The following CLEC18A variants were observed in gnomAD, a reference collection of about 807,000 sequenced individuals.
The protein encoded by CLEC18A is C-type lectin domain family 18 member A.
Under a neutral mutation model 24.0 loss-of-function variants are expected in CLEC18A, and 5 were observed. The ratio of observed to expected loss-of-function variants is 0.21; its 90% CI spans 0.11 to 0.44. CLEC18A has a LOEUF of 0.44. CLEC18A is among the 20% of genes least tolerant of loss of function. The pLI is 0.99. For synonymous variants in CLEC18A, 29 were observed against 100.1 expected (o/e 0.29, Z 4.24); for missense variants, 83 against 233.4 (o/e 0.36, Z 4.20).
At chr16:69,945,516 A>AT in the CLEC18A span, among the ~76,000 whole-genome samples, 11 of 152,188 alleles carry the variant, frequency 7.2e-5, no homozygotes, top group Non-Finnish European at 1.5e-4. Flanking sequence ...CAGTTTTCAA[A>AT]TTTTTTTTGA....
downstream of CLEC18A, among the ~76,000 whole-genome samples, chr16:69,964,724 C>T (rs1169194088): frequency 8.6e-5 from 13 of 151,178 alleles, no homozygotes; most frequent in East Asian, 2.0e-4. Flanking sequence ...AGGATGGTAT[C>T]GATCTCCCGA....
chr16:69,962,808 GT>G, intron 10 of CLEC18A, 167 bp from the exon 11 acceptor site: 1 of 1,107,338 alleles, frequency 9.0e-7, no homozygotes, highest in Non-Finnish European at 1.3e-6. Flanking sequence ...TCCCTGAGAA[GT>G]GGAGCAGGGC....
At chr16:69,945,287 T>TACAAC in the CLEC18A span, among the ~76,000 whole-genome samples, 1 of 132,496 alleles carries the variant, frequency 7.5e-6, no homozygotes, top group African/African-American at 3.0e-5. Context: ...GACCCTCAAA[T>TACAAC]AAAATAAATT....
chr16:69,946,643 A>G (rs1597203126), upstream of CLEC18A, among the ~76,000 whole-genome samples: 1 of 148,542 alleles, frequency 6.7e-6, no homozygotes, highest in East Asian at 2.0e-4. Context: ...ACCTCAAGCA[A>G]TCCATCTGCC....
chr16:69,953,974 G>A (rs2058996648), intron 2 of CLEC18A, among the ~76,000 whole-genome samples: 2 of 148,144 alleles, frequency 1.4e-5, no homozygotes, highest in South Asian at 4.4e-4. Flanking sequence ...TGGGAGCAGT[G>A]GAGCCTTTCT....
In CLEC18A at chr16:69,963,594, T is replaced by G; in HGVS notation, c.1324T>G (p.Trp442Gly). Residue 442 changes from tryptophan to glycine, a missense_variant, in exon 12 of 12, where the codon TGG (tryptophan) becomes GGG (glycine). Trp to Gly is a radical substitution (Grantham distance 184). Around this residue, in one of 3 missense-constraint regions of CLEC18A, gnomAD observed 11 missense variants for 57.6 expected, o/e 0.19. Coordinates refer to ENST00000288040, the MANE Select transcript of CLEC18A (RefSeq NM_001370523.4). ...TCCAGCCCAGGAGCACATCTCCCGG[T>G]GGGGCCCAGGGTCCTGAGGCCTGAC... Reference protein sequence around the residue: ...CQFAQEHISRWGPGS With the variant: ...CQFAQEHISRGGPGS The G allele has an allele frequency of 6.2e-7, 1 of 1,608,246 alleles. No homozygotes were observed. The highest frequency in any genetic ancestry group is 8.5e-7 in the Non-Finnish European group (1 of 1,178,366).
chr16:69,945,347 C>CTAT, the CLEC18A span, among the ~76,000 whole-genome samples: 355 of 152,054 alleles, frequency 2.3e-3, 2 homozygotes, highest in African/African-American at 8.3e-3. Context: ...TTCCCTTGAT[C>CTAT]TATATGTCTT....
downstream of CLEC18A, among the ~76,000 whole-genome samples, chr16:69,965,420 C>G (rs539100162): frequency 2.6e-5 from 4 of 152,148 alleles, no homozygotes; most frequent in African/African-American, 9.6e-5. Flanking sequence ...GGGCCACGGC[C>G]GCAGCGCCCG....
intron 2 of CLEC18A, chr16:69,952,717 A>T: frequency 6.6e-6 from 1 of 150,968 alleles, no homozygotes; most frequent in Non-Finnish European, 1.5e-5. Flanking sequence ...CTGGAGGCTC[A>T]GAAACGCTGC....
upstream of CLEC18A, among the ~76,000 whole-genome samples, chr16:69,946,392 ATTTT>A (rs56112480): frequency 2.5e-4 from 21 of 84,022 alleles, no homozygotes; most frequent in Admixed American, 1.0e-3. Flanking sequence ...ATGTGTATGG[ATTTT>A]TTTTTTTTTT....
At chr16:69,966,258 C>T (rs960274498), downstream of CLEC18A, among the ~76,000 whole-genome samples, 1 of 150,476 alleles carries the variant, frequency 6.6e-6, no homozygotes, top group African/African-American at 2.5e-5. Flanking sequence ...CTTTGAAAGC[C>T]CCCACTTGTG....
intron 3 of CLEC18A, among the ~76,000 whole-genome samples, chr16:69,954,873 T>C (rs1163420537): frequency 1.3e-5 from 2 of 152,094 alleles, no homozygotes; most frequent in Non-Finnish European, 2.9e-5. Flanking sequence ...AATGGCTTTA[T>C]ACTTTTAGTA....
At chr16:69,944,784 T>C in the CLEC18A span, among the ~76,000 whole-genome samples, 69,782 of 111,920 alleles carry the variant, frequency 0.62, 28,432 homozygotes, top group East Asian at 0.91. Context: ...TGCAGTGAGC[T>C]GAGATGGCGC....
intron 3 of CLEC18A, among the ~76,000 whole-genome samples, chr16:69,954,978 G>A (rs528060277): frequency 2.2e-3 from 331 of 151,714 alleles, no homozygotes; most frequent in African/African-American, 7.7e-3. Context: ...GGGATTACAG[G>A]CATGAGCCAC....
chr16:69,954,520 A>G lies in CLEC18A; in HGVS notation c.403A>G (p.Ser135Gly). The change falls in exon 3 of 12, where the codon AGC becomes GGC. Residue 135 changes from serine (S) to glycine (G), a missense_variant. Around this residue, in one of 3 missense-constraint regions of CLEC18A, gnomAD observed 71 missense variants for 107.4 expected, o/e 0.66. Coordinates refer to ENST00000288040, the MANE Select transcript of CLEC18A (RefSeq NM_001370523.4). ...SLWFAEGQRYSHAAGECARNA... is the reference protein window; with the variant it reads ...SLWFAEGQRYGHAAGECARNA... The stretch of plus-strand genomic sequence containing the variant: ...ATGGTTTGCAGAGGGGCAGCGGTAC[A>G]GCCACGCGGCAGGAGAGTGTGCTCG... 1 of 1,612,880 alleles carries G rather than the reference A, an allele frequency of 6.2e-7. No individual in the cohort carries two copies. The highest frequency in any genetic ancestry group is 8.5e-7 in the Non-Finnish European group (1 of 1,179,448).
chr16:69,946,953 G>T (rs1462069115), upstream of CLEC18A, among the ~76,000 whole-genome samples: 3 of 112,792 alleles, frequency 2.7e-5, no homozygotes, highest in Admixed American at 1.9e-4. Flanking sequence ...CACAAATTGC[G>T]CATTCAGTAG....
At chr16:69,958,836 G>A (rs948642250) in intron 3 of CLEC18A, 106 bp from the exon 4 acceptor site, 10 of 147,232 alleles carry the variant, frequency 6.8e-5, no homozygotes, top group African/African-American at 4.9e-4. Flanking sequence ...CTGAGCCCTC[G>A]AGGAGGTAAG....
At chr16:69,944,992 A>C in the CLEC18A span, among the ~76,000 whole-genome samples, 1 of 144,880 alleles carries the variant, frequency 6.9e-6, no homozygotes, top group Non-Finnish European at 1.5e-5. Context: ...AATACAAAAA[A>C]TTAGCCGGGC....
intron 3 of CLEC18A, among the ~76,000 whole-genome samples, chr16:69,956,395 G>A (rs1013136322): frequency 8.2e-6 from 1 of 122,288 alleles, no homozygotes; most frequent in African/African-American, 3.7e-5. Context: ...TTGCTCTGTC[G>A]CGCAGGCTAC....
Sources: allele counts gnomAD v4.1 joint callset (sites outside exome capture counted in the v4.1 genomes callset), GRCh38; gene constraint gnomAD v4.1.1; regional missense constraint gnomAD v4.1.1; transcripts MANE v1.5; gene names NCBI Gene and HGNC (gene_info 2026-07-23, HGNC 2026-07-21).